Variants in NFAT5 observed in about 807,000 individuals in gnomAD.
NFAT5 encodes the protein nuclear factor of activated T-cells 5.
Under a neutral mutation model 166.5 loss-of-function variants are expected in NFAT5, and 31 were observed. The observed-to-expected ratio is 0.19, with a 90% CI of 0.14 to 0.25. The LOEUF is 0.25. NFAT5 is among the 10% of genes least tolerant of loss of function. The probability of loss-of-function intolerance (pLI) is 1.00; values close to 1 mark genes in which losing one functional copy is unlikely to be tolerated. For missense variants in NFAT5, 1,449 were observed against 1,821.8 expected (o/e 0.80, Z 3.72); for synonymous variants, 612 against 639.7 (o/e 0.96, Z 0.65).
chr16:69,672,449 T>C (rs908536669), intron 9 of NFAT5, among the ~76,000 whole-genome samples: 2 of 152,232 alleles, frequency 1.3e-5, no homozygotes, highest in African/African-American at 4.8e-5. Flanking sequence ...TTATTATTTC[T>C]TATATTATTT....
intron 7 of NFAT5, among the ~76,000 whole-genome samples, chr16:69,666,993 T>TA (rs574585024): frequency 6.6e-6 from 1 of 151,336 alleles, no homozygotes; most frequent in African/African-American, 2.4e-5. Context: ...TATGCAGCCA[T>TA]AAAAAATGAT....
rs1597319545 is a variant in NFAT5 at position 69,566,417 on chromosome 16, A to G, written c.73+43A>G. On this transcript the variant is annotated intron_variant, in intron 1 of 14. Transcript: ENST00000349945. The surrounding 1 kb of genome is among the most constrained non-coding windows in gnomAD (Gnocchi z 5.7). ...GGGTGGGGCGTGGGGGCGGGGAGAC[A>G]GGGAGACAGGGAGACAGGGCCAGGG... The G allele has an allele frequency of 4.9e-6, 6 of 1,229,614 alleles. No homozygotes were observed. The highest frequency in any genetic ancestry group is 6.8e-6 in the Non-Finnish European group (6 of 876,732). 76.2% of individuals were successfully genotyped at this position (1,229,614 alleles called of 1,614,324 possible). A position where few individuals can be genotyped will look rare whatever the true frequency, so the allele number is the denominator to read the frequency against.
rs1013480614 is a variant in NFAT5, at chr16:69,700,553, A to C, written c.*4202A>C. ...CACCATGGTTATACATTTTCACCAG[A>C]AATAGTAATCTTACAATTTTTCATT... On this transcript the variant is annotated 3_prime_UTR_variant, in exon 15 of 15. Coordinates refer to ENST00000349945, the MANE Select transcript of NFAT5 (RefSeq NM_138713.4). 4 of 152,242 alleles carry C rather than the reference A, an allele frequency of 2.6e-5. No individual in the cohort carries two copies. The highest frequency in any genetic ancestry group is 1.3e-4 in the Admixed American group (2 of 15,284). The allele number at this position is 152,242 out of a possible 1,614,324, so 9.4% of individuals were successfully genotyped here. A position where few individuals can be genotyped will look rare whatever the true frequency, so the allele number is the denominator to read the frequency against.
At chr16:69,617,596 T>C (rs993892679) in intron 2 of NFAT5, among the ~76,000 whole-genome samples, 5 of 151,606 alleles carry the variant, frequency 3.3e-5, no homozygotes, top group African/African-American at 7.3e-5. Flanking sequence ...GCTCAAGCAG[T>C]CCTCCTACCT....
At chr16:69,661,497 T>C (rs987579073) in intron 7 of NFAT5, among the ~76,000 whole-genome samples, 2 of 114,946 alleles carry the variant, frequency 1.7e-5, no homozygotes, top group African/African-American at 6.8e-5. Flanking sequence ...TGAGCTATGA[T>C]CACACCACTG....
chr16:69,631,453 C>T (rs760368760), intron 3 of NFAT5, among the ~76,000 whole-genome samples: 4 of 151,820 alleles, frequency 2.6e-5, no homozygotes, highest in Admixed American at 6.6e-5. Context: ...CAAAACAAAA[C>T]AAAAATGAAT....
chr16:69,589,420 A>G (rs2032320879), intron 2 of NFAT5, among the ~76,000 whole-genome samples: 1 of 152,220 alleles, frequency 6.6e-6, no homozygotes, highest in African/African-American at 2.4e-5. Context: ...TATGAGAAAA[A>G]TACCGTTTTA....
At chr16:69,661,496 A>G (rs954638375) in intron 7 of NFAT5, among the ~76,000 whole-genome samples, 3 of 138,802 alleles carry the variant, frequency 2.2e-5, no homozygotes, top group African/African-American at 5.3e-5. Context: ...GTGAGCTATG[A>G]TCACACCACT....
chr16:69,686,426 G>A (rs909966164), intron 11 of NFAT5, among the ~76,000 whole-genome samples: 3 of 152,034 alleles, frequency 2.0e-5, no homozygotes, highest in African/African-American at 7.2e-5. Context: ...ATGAGACTGA[G>A]GTAGGAGGAT....
intron 10 of NFAT5, among the ~76,000 whole-genome samples, chr16:69,681,030 G>A (rs2037039067): frequency 6.6e-6 from 1 of 152,168 alleles, no homozygotes; most frequent in East Asian, 1.9e-4. Context: ...AAAGTGTTGG[G>A]ATTACAGGCA....
rs117279720 is a variant in NFAT5 at position 69,636,440 on chromosome 16, C to T, written c.253+9912C>T. ...CAGTACGGACTCTGTGTGGGGTCTCCAACCCCACATTTTCCATCTGCTTTG... is the reference window on the plus strand; with the variant it reads ...CAGTACGGACTCTGTGTGGGGTCTCTAACCCCACATTTTCCATCTGCTTTG... On this transcript the variant is annotated intron_variant, in intron 3 of 14. Coordinates refer to ENST00000349945, the MANE Select transcript of NFAT5 (RefSeq NM_138713.4). Among the ~76,000 whole-genome samples, 673 of 152,316 alleles carry T rather than the reference C, an allele frequency of 4.4e-3. 3 individuals carry two copies. The highest frequency in any genetic ancestry group is 0.017 in the Middle Eastern group (5 of 294).
chr16:69,662,620 C>T (rs2036201404), intron 7 of NFAT5, among the ~76,000 whole-genome samples: 2 of 151,824 alleles, frequency 1.3e-5, no homozygotes, highest in African/African-American at 4.8e-5. Flanking sequence ...CCACCACGCC[C>T]GGCTAATTTT....
At chr16:69,640,848 G>C (rs1219081757) in intron 3 of NFAT5, among the ~76,000 whole-genome samples, 1 of 152,004 alleles carries the variant, frequency 6.6e-6, no homozygotes, top group African/African-American at 2.4e-5. Flanking sequence ...GGGCGTGGTG[G>C]TGCATGCCTG....
chr16:69,692,072 G>T lies in NFAT5; in HGVS notation c.2247G>T (p.Leu749Phe), dbSNP rs2037570297. Residue 749 changes from leucine to phenylalanine, a missense_variant, in exon 13 of 15, where the codon TTG becomes TTT. Leu to Phe is a conservative substitution (Grantham distance 22). Coordinates refer to ENST00000349945, the MANE Select transcript of NFAT5 (RefSeq NM_138713.4). ...AGTCAGATGGTACAGTGGTTAATTT[G>T]TCACAACTGACTGAGGCATCACAAC... ...ILQSDGTVVN[L>F]SQLTEASQQQ... 1 of 1,614,116 alleles carries T rather than the reference G, an allele frequency of 6.2e-7. No individual in the cohort carries two copies. The highest frequency in any genetic ancestry group is 2.2e-5 in the East Asian group (1 of 44,884).
At chr16:69,624,710 T>C (rs1239776406) in intron 2 of NFAT5, among the ~76,000 whole-genome samples, 2 of 152,128 alleles carry the variant, frequency 1.3e-5, no homozygotes, top group Non-Finnish European at 2.9e-5. Flanking sequence ...ACTAGAAATA[T>C]TGTCTCTTAC....
At chr16:69,683,158 C>T (rs2037141244) in intron 10 of NFAT5, among the ~76,000 whole-genome samples, 1 of 152,184 alleles carries the variant, frequency 6.6e-6, no homozygotes, top group Admixed American at 6.5e-5. Context: ...TTGCAGTGAG[C>T]TGAGATCGCG....
At chr16:69,605,712 CTTT>C (rs948002773) in intron 2 of NFAT5, among the ~76,000 whole-genome samples, 1 of 145,404 alleles carries the variant, frequency 6.9e-6, no homozygotes, top group African/African-American at 2.5e-5. Context: ...TCCCTTTTTT[CTTT>C]TTTTTTTTTG....
At chr16:69,674,499 T>C (rs985663469) in intron 9 of NFAT5, among the ~76,000 whole-genome samples, 1 of 151,892 alleles carries the variant, frequency 6.6e-6, no homozygotes, top group Non-Finnish European at 1.5e-5. Context: ...TATACAAATA[T>C]ACATAAAAGG....
At chr16:69,648,062 C>T (rs1167750012) in intron 4 of NFAT5, among the ~76,000 whole-genome samples, 1 of 151,634 alleles carries the variant, frequency 6.6e-6, no homozygotes, top group Non-Finnish European at 1.5e-5. Flanking sequence ...GTAATCCCAG[C>T]TACTTGGGAG....
Sources: gnomAD v4.1 joint callset for allele counts (sites outside exome capture counted in the v4.1 genomes callset) on GRCh38, gnomAD v4.1.1 for gene constraint, Gnocchi (gnomAD v3.1) non-coding constraint, MANE v1.5 for transcripts, NCBI Gene and HGNC (gene_info 2026-07-23, HGNC 2026-07-21) for gene names.